DNAH3: variants seen among roughly 807,000 people sequenced by gnomAD.
DNAH3 encodes the protein axonemal beta dynein heavy chain 3.
In DNAH3, 332 loss-of-function variants were observed where a neutral mutation model predicts 432.5. The observed-to-expected ratio is 0.77, with a 90% CI of 0.70 to 0.84. The LOEUF (loss-of-function observed/expected upper bound fraction) is 0.84, where lower values mean the gene tolerates loss of function less well. Among genes scored for constraint, DNAH3 ranks in the 40% least tolerant of loss-of-function variants. The pLI is 0.00. For missense variants in DNAH3, 4,861 were observed against 5,114.0 expected, an observed-to-expected ratio of 0.95 and a Z score of 1.51; for synonymous variants, 1,956 against 1,900.2, an observed-to-expected ratio of 1.03 and a Z score of -0.76.
Position 21,042,335 on chromosome 16 carries a change from G to A in DNAH3, c.4462-132C>T, listed in dbSNP as rs1052654889. The A allele has an allele frequency of 8.3e-6, 7 of 847,530 alleles. No individual in the cohort carries two copies. In the African/African-American group the frequency reaches 1.0e-4, roughly 12 times the overall value. The allele number at this position is 847,530 out of a possible 1,614,324, so 52.5% of individuals were successfully genotyped here. On this transcript the variant is annotated intron_variant, in intron 31 of 61. Coordinates refer to ENST00000261383, the Ensembl canonical transcript of DNAH3. ...AACCGCACCTGCACATTCAAAATTAGGAGCATGATTTGGGGTTTTGGTAAG... is the reference window on the plus strand; with the variant it reads ...AACCGCACCTGCACATTCAAAATTAAGAGCATGATTTGGGGTTTTGGTAAG...
intron 14 of DNAH3, among the ~76,000 whole-genome samples, chr16:21,108,962 A>G (rs1364901790): frequency 6.6e-6 from 1 of 151,806 alleles, no homozygotes; most frequent in African/African-American, 2.4e-5. Flanking sequence ...TCTCTACTAA[A>G]AATACAAAAC....
intron 5 of DNAH3, among the ~76,000 whole-genome samples, chr16:21,139,120 C>T (rs1029654390): frequency 1.3e-5 from 2 of 152,086 alleles, no homozygotes; most frequent in Non-Finnish European, 2.9e-5. Context: ...GGGTTGGAAA[C>T]TCCAACATCT....
rs1379259361 is a variant in DNAH3, at chr16:20,976,107, G to T, written c.8077-692C>A. On this transcript the variant is annotated intron_variant, in intron 50 of 61. Coordinates refer to ENST00000261383, the Ensembl canonical transcript of DNAH3. ...TGTAATCCCAGCAATTTGGGAGGTA[G>T]AGGTGGGAGAATTGCTTGAGCCCAG... 5.3e-5 allele frequency among the ~76,000 whole-genome samples: 8 copies of T among 151,970 alleles called. 1 individual carries two copies. The East Asian group carries it at 1.6e-3, about 30-fold the overall frequency.
chr16:21,095,630 T>C (rs771199717), intron 18 of DNAH3, among the ~76,000 whole-genome samples: 2 of 152,210 alleles, frequency 1.3e-5, no homozygotes, highest in Non-Finnish European at 2.9e-5. Context: ...GATGTTTATA[T>C]GAAAGTCAAC....
intron 2 of DNAH3, among the ~76,000 whole-genome samples, chr16:21,145,733 A>G (rs1184786218): frequency 6.6e-6 from 1 of 152,242 alleles, no homozygotes. Context: ...GCAGAAGTTC[A>G]GAGAGTTTAA....
At chr16:21,068,488 T>C (rs973137151) in intron 23 of DNAH3, among the ~76,000 whole-genome samples, 10 of 152,144 alleles carry the variant, frequency 6.6e-5, no homozygotes, top group Non-Finnish European at 1.3e-4. Flanking sequence ...TAATTTTTTA[T>C]ATTTTTAGTA....
chr16:21,062,754 C>A, intron 24 of DNAH3, 71 bp from the exon 25 acceptor site: 1 of 1,289,780 alleles, frequency 7.8e-7, no homozygotes, highest in East Asian at 2.4e-5. Context: ...GTGATACTTT[C>A]TGACAGGTAG....
chr16:21,099,884 TTTAG>T (rs2091791593), intron 16 of DNAH3, among the ~76,000 whole-genome samples: 1 of 152,156 alleles, frequency 6.6e-6, no homozygotes, highest in Non-Finnish European at 1.5e-5. Context: ...CTTAATTCCT[TTTAG>T]TGTCTTCAGC....
At chr16:21,154,197 G>A (rs7185237) in intron 1 of DNAH3, among the ~76,000 whole-genome samples, 75,300 of 152,048 alleles carry the variant, frequency 0.5, 19,463 homozygotes, top group East Asian at 0.69. Context: ...TGAGGTCAGG[G>A]GTTCAAGACC....
At chr16:21,025,936 A>T (rs1484866298) in intron 38 of DNAH3, among the ~76,000 whole-genome samples, 4 of 151,928 alleles carry the variant, frequency 2.6e-5, no homozygotes, top group African/African-American at 9.7e-5. Flanking sequence ...ATGAGGTTTC[A>T]CCATGTTGGC....
intron 57 of DNAH3, among the ~76,000 whole-genome samples, chr16:20,944,940 AG>A (rs2083979598): frequency 2.0e-5 from 3 of 152,186 alleles, no homozygotes. Flanking sequence ...GGACCCAAAC[AG>A]AACTGAGTTT....
At chr16:21,106,756 T>C in intron 14 of DNAH3, 82 bp from the exon 15 acceptor site, 1 of 1,184,186 alleles carries the variant, frequency 8.4e-7, no homozygotes. Flanking sequence ...TAAGACTCCA[T>C]GTTCAAAATA....
chr16:21,104,527 G>C (rs2091905294), exon 16 of DNAH3: 1 of 1,614,038 alleles, frequency 6.2e-7, no homozygotes, highest in East Asian at 2.2e-5. Flanking sequence ...AGTTCCGGCT[G>C]TTGTCAAAGA....
intron 1 of DNAH3, among the ~76,000 whole-genome samples, chr16:21,151,581 C>A (rs2092853532): frequency 6.6e-6 from 1 of 152,090 alleles, no homozygotes; most frequent in Non-Finnish European, 1.5e-5. Flanking sequence ...AGGTGTGAGC[C>A]ACTGCGCCCA....
chr16:20,954,596 T>C (rs2084474923), intron 55 of DNAH3, among the ~76,000 whole-genome samples: 1 of 152,124 alleles, frequency 6.6e-6, no homozygotes, highest in African/African-American at 2.4e-5. Flanking sequence ...AGCCAGGTTG[T>C]CAGATTTAGC....
chr16:21,013,115 A>G (rs1422170558), intron 41 of DNAH3, among the ~76,000 whole-genome samples: 2 of 152,166 alleles, frequency 1.3e-5, no homozygotes, highest in Non-Finnish European at 2.9e-5. Flanking sequence ...TAGGAAACTA[A>G]AGAGAGCAAT....
intron 11 of DNAH3, among the ~76,000 whole-genome samples, chr16:21,118,008 G>A (rs1482524142): frequency 1.3e-5 from 2 of 151,168 alleles, no homozygotes; most frequent in Non-Finnish European, 2.9e-5. Context: ...TTGTTTTTTT[G>A]AGACAGTCTC....
chr16:21,156,118 C>T (rs574447126), intron 1 of DNAH3, among the ~76,000 whole-genome samples: 1 of 152,182 alleles, frequency 6.6e-6, no homozygotes, highest in African/African-American at 2.4e-5. Flanking sequence ...TCATTGTATC[C>T]TCACATGGTG....
chr16:21,102,984 G>A (rs557998355), intron 16 of DNAH3, among the ~76,000 whole-genome samples: 1 of 151,822 alleles, frequency 6.6e-6, no homozygotes, highest in Non-Finnish European at 1.5e-5. Context: ...GCCTGCCTCG[G>A]CCTCCCAAAG....
Sources: allele counts gnomAD v4.1 joint callset (sites outside exome capture counted in the v4.1 genomes callset), GRCh38; gene constraint gnomAD v4.1.1; transcripts MANE v1.5; gene names NCBI Gene and HGNC (gene_info 2026-07-23, HGNC 2026-07-21).